Variants in SYNE4 observed in about 807,000 individuals in gnomAD.
SYNE4 encodes spectrin repeat containing nuclear envelope family member 4, also known as nesprin-4.
A neutral mutation model predicts 46.9 loss-of-function variants in SYNE4; 41 were observed. The observed-to-expected ratio is 0.87, with a 90% CI of 0.68 to 1.13. The LOEUF is 1.13. SYNE4 is among the 50% of genes most tolerant of loss of function. The pLI is 0.00. For missense variants in SYNE4, 492 were observed against 514.8 expected (o/e 0.96, Z 0.43); for synonymous variants, 221 against 219.5 (o/e 1.01, Z -0.06).
chr19:36,007,209 C>A lies in SYNE4; in HGVS notation c.339G>T (p.Leu113=). 1 of 1,586,874 alleles carries A rather than the reference C, an allele frequency of 6.3e-7. No individual in the cohort carries two copies. The highest frequency in any genetic ancestry group is 8.6e-7 in the Non-Finnish European group (1 of 1,167,146). ...CCTGCAGCCGGCGGCCCAGCCCCAGCAGGCACAGGTGCAGGCTGTTCTGCT... is the reference window on the plus strand; with the variant it reads ...CCTGCAGCCGGCGGCCCAGCCCCAGAAGGCACAGGTGCAGGCTGTTCTGCT... ...EAEQNSLHLC[L]LGLGRRLQDL... The change falls in exon 3 of 8, where the codon CTG becomes CTT. Residue 113 remains leucine (L), a synonymous_variant. Coordinates refer to ENST00000324444, the MANE Select transcript of SYNE4 (RefSeq NM_001039876.3).
chr19:36,008,755 G>A lies in SYNE4; in HGVS notation c.-74C>T. 2 of 1,498,914 alleles carry A rather than the reference G, an allele frequency of 1.3e-6. No homozygotes were observed. The highest frequency in any genetic ancestry group is 2.8e-5 in the African/African-American group (2 of 72,680). 92.9% of individuals were successfully genotyped at this position (1,498,914 alleles called of 1,614,324 possible). ...CTCTTCCCTAGACAAGGGTGTCCCA[G>A]AGCTCCTCCGCTGGAGTCACCCGGG... On this transcript the variant is annotated 5_prime_UTR_variant, in exon 1 of 8. Coordinates refer to ENST00000324444, the MANE Select transcript of SYNE4 (RefSeq NM_001039876.3).
chr19:36,007,533 C>T (rs1323822821), intron 2 of SYNE4: 8 of 985,168 alleles, frequency 8.1e-6, no homozygotes, highest in East Asian at 1.1e-4. Flanking sequence ...GGACAGGGAG[C>T]GGGGCTGGGT....
intron 6 of SYNE4, among the ~76,000 whole-genome samples, chr19:36,004,282 C>T (rs138967177): frequency 6.6e-6 from 1 of 152,342 alleles, no homozygotes; most frequent in African/African-American, 2.4e-5. Flanking sequence ...CTTGACCTCC[C>T]AAAGTGTTGG....
chr19:36,008,212 C>G lies in SYNE4; in HGVS notation c.279+5G>C. The stretch of plus-strand genomic sequence containing the variant: ...GCACAAGGGGTCTGGGTCACCTCAG[C>G]TCACCTCACAGTGTTTGCCCCCAGC... On this transcript the variant is annotated splice_donor_5th_base_variant and intron_variant, in intron 2 of 7. Transcript: ENST00000324444. 1 of 1,609,196 alleles carries G rather than the reference C, an allele frequency of 6.2e-7. No homozygotes were observed. The highest frequency in any genetic ancestry group is 8.5e-7 in the Non-Finnish European group (1 of 1,177,340).
At chr19:36,005,229 T>A in intron 6 of SYNE4, 104 bp downstream of exon 6, 1 of 1,247,712 alleles carries the variant, frequency 8.0e-7, no homozygotes, top group Non-Finnish European at 1.1e-6. Context: ...ATTACTTTTT[T>A]TTTTTTTAAT....
rs768802857 is a variant in SYNE4 at position 36,008,728 on chromosome 19, A to T, written c.-47T>A. ...AAGTCAGGTGAGGGCAGCCAGTAAG[A>T]CCTCTTCCCTAGACAAGGGTGTCCC... On this transcript the variant is annotated 5_prime_UTR_variant, in exon 1 of 8. Coordinates refer to ENST00000324444, the MANE Select transcript of SYNE4 (RefSeq NM_001039876.3). The T allele has an allele frequency of 3.8e-6, 6 of 1,560,194 alleles. No homozygotes were observed. In the East Asian group the frequency reaches 9.1e-5, roughly 24 times the overall value.
At chr19:36,003,577 C>T (rs1425791118) in intron 7 of SYNE4, 36 bp downstream of exon 7, 6 of 1,609,110 alleles carry the variant, frequency 3.7e-6, no homozygotes, top group South Asian at 1.1e-5. Context: ...GGAGCTCTGT[C>T]CCCCACACCC....
intron 5 of SYNE4, 56 bp downstream of exon 5, chr19:36,006,367 G>A (rs1349887544): frequency 2.5e-5 from 39 of 1,532,888 alleles, no homozygotes; most frequent in South Asian, 1.0e-4. Flanking sequence ...TAGAAGGTGC[G>A]CAGAGATGTC....
intron 2 of SYNE4, 113 bp from the exon 3 acceptor site, chr19:36,007,381 A>G: frequency 6.9e-7 from 1 of 1,448,090 alleles, no homozygotes; most frequent in Non-Finnish European, 9.1e-7. Flanking sequence ...GGCACAGTCC[A>G]TCTCCGGGTC....
intron 6 of SYNE4, among the ~76,000 whole-genome samples, chr19:36,004,671 G>A (rs1252110925): frequency 6.6e-6 from 1 of 152,088 alleles, no homozygotes. Context: ...GACCCCATCC[G>A]GTAAGTGGGA....
At chr19:36,007,418 G>A (rs375770535) in intron 2 of SYNE4, 150 bp from the exon 3 acceptor site, 1 of 1,424,464 alleles carries the variant, frequency 7.0e-7, no homozygotes. Context: ...GCTCCCACTG[G>A]GGGGGCCTTC....
chr19:36,004,912 A>G (rs529749961), intron 6 of SYNE4, among the ~76,000 whole-genome samples: 2 of 109,574 alleles, frequency 1.8e-5, no homozygotes, highest in South Asian at 2.8e-4. Flanking sequence ...GGGTCTCACT[A>G]TGTTGCTCAG....
At position 36,006,911 on chromosome 19, in the gene SYNE4, G is replaced by A. The variant is rs1213954408; in HGVS notation, c.457C>T (p.Arg153Cys). The A allele has an allele frequency of 2.6e-6, 4 of 1,553,556 alleles. No individual in the cohort carries two copies. Among genetic ancestry groups the A allele is most frequent in the South Asian group, 1.2e-5 (1 of 84,288 alleles). Residue 153 changes from arginine to cysteine, a missense_variant, in exon 4 of 8, where the codon CGT becomes TGT. Coordinates refer to ENST00000324444, the MANE Select transcript of SYNE4 (RefSeq NM_001039876.3). Reference protein sequence around the residue: ...LQVDLRGAAERVEALLAFGEG... With the variant: ...LQVDLRGAAECVEALLAFGEG... Reference sequence around the variant, plus strand: ...CCAAACGCTAGCAGCGCCTCCACACGCTCAGCTGCCCCTCGTAGGTCCACC... The same window carrying A: ...CCAAACGCTAGCAGCGCCTCCACACACTCAGCTGCCCCTCGTAGGTCCACC...
intron 2 of SYNE4, among the ~76,000 whole-genome samples, 176 bp downstream of exon 2, chr19:36,008,041 A>G (rs956034669): frequency 1.1e-4 from 17 of 151,968 alleles, no homozygotes; most frequent in Non-Finnish European, 2.1e-4. Context: ...AAAGAAAGAA[A>G]GAAATACGTC....
rs562333538 is a variant in SYNE4, at chr19:36,005,207, C to T, written c.972+126G>A. The T allele has an allele frequency of 1.0e-4, 103 of 1,018,518 alleles. No homozygotes were observed. In the African/African-American group the frequency reaches 1.5e-3, roughly 15 times the overall value. 63.1% of individuals were successfully genotyped at this position (1,018,518 alleles called of 1,614,324 possible). On this transcript the variant is annotated intron_variant, in intron 6 of 7. Coordinates refer to ENST00000324444, the MANE Select transcript of SYNE4 (RefSeq NM_001039876.3). Reference sequence around the variant, plus strand: ...CTTCAGGCTCTGAATTCAACAGTGCCTGGACCTTTCCATTACTTTTTTTTT... The same window carrying T: ...CTTCAGGCTCTGAATTCAACAGTGCTTGGACCTTTCCATTACTTTTTTTTT...
Position 36,007,204 on chromosome 19 carries a change from C to A in SYNE4, c.344G>T (p.Gly115Val). The A allele has an allele frequency of 1.3e-6, 2 of 1,586,246 alleles. No homozygotes were observed. The highest frequency in any genetic ancestry group is 2.3e-5 in the South Asian group (2 of 86,724). ...EQNSLHLCLL[G>V]LGRRLQDLEQ... ...CAGGTCCTGCAGCCGGCGGCCCAGCCCCAGCAGGCACAGGTGCAGGCTGTT... is the reference window on the plus strand; with the variant it reads ...CAGGTCCTGCAGCCGGCGGCCCAGCACCAGCAGGCACAGGTGCAGGCTGTT... The change falls in exon 3 of 8, where the codon GGG becomes GTG. Residue 115 changes from glycine to valine, a missense_variant. Coordinates refer to ENST00000324444, the MANE Select transcript of SYNE4 (RefSeq NM_001039876.3).
rs200083160 is a variant in SYNE4, at chr19:36,006,767, G to T, written c.601C>A (p.Leu201Met). 1.8e-4 allele frequency: 286 copies of T among 1,610,958 alleles called. No homozygotes were observed. Among genetic ancestry groups the T allele is most frequent in the Non-Finnish European group, 2.4e-4 (280 of 1,178,774 alleles). ...FRRLWQLQAQ[L>M]VSYSLVFEEA... ...GGCCCTACCAGGCTGTAGCTGACCA[G>T]CTGGGCCTGCAGCTGCCAGAGCCGC... Residue 201 changes from leucine (L) to methionine (M), a missense_variant, in exon 4 of 8, where the codon CTG becomes ATG. By Grantham distance (15) the Leu-to-Met change is conservative. Coordinates refer to ENST00000324444, the MANE Select transcript of SYNE4 (RefSeq NM_001039876.3).
chr19:36,003,369 G>A lies in SYNE4; in HGVS notation c.1183C>T (p.Leu395Phe). Residue 395 changes from leucine to phenylalanine, a missense_variant, in exon 8 of 8, where the codon CTC (leucine) becomes TTC (phenylalanine). Transcript: ENST00000324444. ...GGGGGAAGACCATTGACATAGCTGA[G>A]CACCAGGTAGGGTGTCCTGGGTATT... ...ARIPRTPYLV[L>F]SYVNGLPPV The A allele has an allele frequency of 2.5e-6, 4 of 1,614,128 alleles. No homozygotes were observed. The highest frequency in any genetic ancestry group is 3.4e-6 in the Non-Finnish European group (4 of 1,180,004).
chr19:36,004,866 CTTTTTTTTT>C (rs59700541), intron 6 of SYNE4, among the ~76,000 whole-genome samples: 5 of 89,904 alleles, frequency 5.6e-5, no homozygotes, highest in Non-Finnish European at 1.1e-4. Context: ...TTCTTTCTTT[CTTTTTTTTT>C]TTTTTTTTTT....
Sources: gnomAD v4.1 joint callset for allele counts (sites outside exome capture counted in the v4.1 genomes callset) on GRCh38, gnomAD v4.1.1 for gene constraint, MANE v1.5 for transcripts, NCBI Gene and HGNC (gene_info 2026-07-23, HGNC 2026-07-21) for gene names.